Variants in COL28A1 observed in about 807,000 individuals in gnomAD.
The protein encoded by COL28A1 is collagen type XXVIII alpha 1 chain.
COL28A1 carries 161 observed loss-of-function variants against 150.2 expected under a neutral mutation model. The ratio of observed to expected loss-of-function variants is 1.07; its 90% CI spans 0.94 to 1.22. COL28A1 has a LOEUF of 1.22. Ranked by LOEUF, COL28A1 falls within the 50% of genes most tolerant of loss-of-function variation. The probability of loss-of-function intolerance (pLI) is 0.00; values close to 1 mark genes in which losing one functional copy is unlikely to be tolerated. For synonymous variants in COL28A1, 552 were observed against 469.7 expected, an observed-to-expected ratio of 1.18 and a Z score of -2.26; for missense variants, 1,617 against 1,388.3, an observed-to-expected ratio of 1.16 and a Z score of -2.62.
chr7:7,521,866 G>C (rs530383985), intron 5 of COL28A1, 39 bp downstream of exon 5: 1 of 872,716 alleles, frequency 1.1e-6, no homozygotes, highest in African/African-American at 1.6e-5. Flanking sequence ...ATCATTGCTA[G>C]GACTTTCTGA....
chr7:7,443,555 C>T (rs1345961670), intron 20 of COL28A1, 30 bp downstream of exon 20: 1 of 1,613,086 alleles, frequency 6.2e-7, no homozygotes, highest in African/African-American at 1.3e-5. Context: ...AGAACACAGG[C>T]TGCTTCCACC....
At chr7:7,389,032 G>A (rs114840640) in intron 27 of COL28A1, among the ~76,000 whole-genome samples, 3,858 of 152,154 alleles carry the variant, frequency 0.025, 162 homozygotes, top group African/African-American at 0.088. Flanking sequence ...GGCTTTGGTC[G>A]CCATTGCTTT....
At chr7:7,412,497 C>T (rs1377680610) in intron 27 of COL28A1, among the ~76,000 whole-genome samples, 3 of 151,970 alleles carry the variant, frequency 2.0e-5, no homozygotes, top group Non-Finnish European at 2.9e-5. Flanking sequence ...AGGCCTTGTT[C>T]CTGGAAAATA....
chr7:7,358,619 G>A lies in COL28A1; in HGVS notation c.*14C>T. On this transcript the variant is annotated 3_prime_UTR_variant, in exon 35 of 35. Transcript: ENST00000399429. ...AGTTCTATGCTTTTGATAGAGACAGGCCAATTTACTTGCTCATCCTTGAAT... is the reference window on the plus strand; with the variant it reads ...AGTTCTATGCTTTTGATAGAGACAGACCAATTTACTTGCTCATCCTTGAAT... 2 of 1,612,612 alleles carry A rather than the reference G, an allele frequency of 1.2e-6. No individual in the cohort carries two copies. Among genetic ancestry groups the A allele is most frequent in the Non-Finnish European group, 1.7e-6 (2 of 1,178,930 alleles).
At chr7:7,363,939 C>A (rs1029288021) in intron 33 of COL28A1, among the ~76,000 whole-genome samples, 1 of 152,100 alleles carries the variant, frequency 6.6e-6, no homozygotes, top group Non-Finnish European at 1.5e-5. Flanking sequence ...AGCCACCACG[C>A]CCAGCCTCCT....
intron 30 of COL28A1, 80 bp downstream of exon 30, chr7:7,380,580 C>A: frequency 7.8e-7 from 1 of 1,275,578 alleles, no homozygotes; most frequent in Non-Finnish European, 1.1e-6. Context: ...CCAAAAAATT[C>A]ATAATTCTAA....
At chr7:7,415,600 C>T (rs1381036355) in intron 27 of COL28A1, among the ~76,000 whole-genome samples, 1 of 152,178 alleles carries the variant, frequency 6.6e-6, no homozygotes, top group Non-Finnish European at 1.5e-5. Context: ...GTGGTGCGAT[C>T]TTGGCTCACT....
At chr7:7,376,421 TTTTAA>T (rs1437325965) in intron 30 of COL28A1, among the ~76,000 whole-genome samples, 10 of 152,230 alleles carry the variant, frequency 6.6e-5, no homozygotes, top group Admixed American at 1.3e-4. Context: ...ATTCATAGTA[TTTTAA>T]TTTAACTTTT....
chr7:7,368,927 G>T (rs890980594), intron 33 of COL28A1, among the ~76,000 whole-genome samples: 1 of 152,112 alleles, frequency 6.6e-6, no homozygotes, highest in Non-Finnish European at 1.5e-5. Flanking sequence ...AATGCATCTT[G>T]TACTTACCTA....
At chr7:7,388,799 C>T (rs941026612) in intron 27 of COL28A1, among the ~76,000 whole-genome samples, 1 of 152,118 alleles carries the variant, frequency 6.6e-6, no homozygotes, top group Non-Finnish European at 1.5e-5. Context: ...ACATATATGT[C>T]TTCTTTTGAG....
chr7:7,374,233 C>A (rs1458941647), intron 31 of COL28A1, among the ~76,000 whole-genome samples: 8 of 152,006 alleles, frequency 5.3e-5, no homozygotes. Flanking sequence ...TCTTTATCAT[C>A]CCACCATTGT....
At position 7,452,350 on chromosome 7, in the gene COL28A1, C is replaced by T. The variant is rs764337791; in HGVS notation, c.1478G>A (p.Gly493Glu). ...VGQMGPTGPRGPVGIGVQGPK... is the reference protein window; with the variant it reads ...VGQMGPTGPREPVGIGVQGPK... The stretch of plus-strand genomic sequence containing the variant: ...ACCTTGTACTCCAATTCCCACTGGT[C>T]CTCGAGGGCCTGTAGGTCCCATTTG... Residue 493 changes from glycine (G) to glutamate (E), a missense_variant, in exon 18 of 35, where the codon GGA (glycine) becomes GAA (glutamate). Gly to Glu is a moderately conservative substitution (Grantham distance 98). Coordinates refer to ENST00000399429, the MANE Select transcript of COL28A1 (RefSeq NM_001037763.3). 6.2e-7 allele frequency: 1 copy of T among 1,606,248 alleles called. No individual in the cohort carries two copies. Among genetic ancestry groups the T allele is most frequent in the Non-Finnish European group, 8.5e-7 (1 of 1,178,280 alleles).
At chr7:7,444,575 G>A in intron 18 of COL28A1, 86 bp from the exon 19 acceptor site, 4 of 1,321,002 alleles carry the variant, frequency 3.0e-6, no homozygotes, top group Admixed American at 2.1e-5. Flanking sequence ...TACAGTGTCT[G>A]AGAAAAGCCT....
At chr7:7,364,929 TTAA>T (rs1780856585) in intron 33 of COL28A1, among the ~76,000 whole-genome samples, 1 of 152,194 alleles carries the variant, frequency 6.6e-6, no homozygotes, top group Non-Finnish European at 1.5e-5. Flanking sequence ...CAGGTTGAAC[TTAA>T]TAAGGATATG....
intron 15 of COL28A1, among the ~76,000 whole-genome samples, chr7:7,459,917 A>G (rs1027391105): frequency 6.6e-6 from 1 of 152,224 alleles, no homozygotes; most frequent in Non-Finnish European, 1.5e-5. Flanking sequence ...AACACTATAT[A>G]AAACCCTCAA....
At chr7:7,485,356 C>T (rs1321109028) in intron 13 of COL28A1, among the ~76,000 whole-genome samples, 1 of 151,784 alleles carries the variant, frequency 6.6e-6, no homozygotes, top group Non-Finnish European at 1.5e-5. Flanking sequence ...AATGTATTCC[C>T]AATACAAATC....
At chr7:7,360,608 A>T (rs7786515) in intron 33 of COL28A1, 80 bp from the exon 34 acceptor site, 1 of 1,319,616 alleles carries the variant, frequency 7.6e-7, no homozygotes, top group Non-Finnish European at 1.0e-6. Context: ...GAACATATAA[A>T]GACTAGTTCA....
intron 34 of COL28A1, 128 bp from the exon 35 acceptor site, chr7:7,358,933 T>C: frequency 1.4e-6 from 1 of 704,008 alleles, no homozygotes; most frequent in Non-Finnish European, 2.2e-6. Flanking sequence ...GAAAATATGG[T>C]TCTAAGTAAG....
At chr7:7,528,773 T>G (rs1782173519) in intron 3 of COL28A1, among the ~76,000 whole-genome samples, 1 of 151,710 alleles carries the variant, frequency 6.6e-6, no homozygotes, top group Non-Finnish European at 1.5e-5. Flanking sequence ...TTTGGGGAGG[T>G]GATGGAAATG....
Sources: allele counts gnomAD v4.1 joint callset (sites outside exome capture counted in the v4.1 genomes callset), GRCh38; gene constraint gnomAD v4.1.1; transcripts MANE v1.5; gene names NCBI Gene and HGNC (gene_info 2026-07-23, HGNC 2026-07-21).